The following CSMD1 variants were observed in gnomAD, a reference collection of about 807,000 sequenced individuals.
CSMD1 encodes CUB and Sushi multiple domains 1.
A neutral mutation model predicts 417.5 loss-of-function variants in CSMD1; 213 were observed. That is an observed-to-expected ratio of 0.51 (90% confidence interval 0.46 to 0.57). CSMD1 has a LOEUF of 0.57. Ranked by LOEUF, CSMD1 falls within the 20% of genes least tolerant of loss-of-function variation. The probability of loss-of-function intolerance (pLI) is 0.00; values close to 1 mark genes in which losing one functional copy is unlikely to be tolerated. For missense variants in CSMD1, 6,923 were observed against 4,529.7 expected (o/e 1.53, Z -15.17); for synonymous variants, 2,862 against 1,736.8 (o/e 1.65, Z -16.11).
chr8:3,095,400 CAGACT>C (rs1278734913), intron 47 of CSMD1, among the ~76,000 whole-genome samples: 21 of 152,226 alleles, frequency 1.4e-4, no homozygotes, highest in African/African-American at 4.8e-4. Context: ...CTCTACTCTA[CAGACT>C]AAAGAAAAAG....
rs184706763 is a variant in CSMD1, at chr8:4,934,962, A to T, written c.85+59370T>A. Among the ~76,000 whole-genome samples the T allele has an allele frequency of 6.0e-4, 92 of 152,154 alleles. 1 individual carries two copies. ...TCTATTTAAATCCATCTACCTGCCT[A>T]TATCTATCATCTATCAATCATCTGT... On this transcript the variant is annotated intron_variant, in intron 1 of 69. Transcript: ENST00000635120.
chr8:3,236,595 C>G (rs1227038638), intron 26 of CSMD1, among the ~76,000 whole-genome samples: 1 of 152,124 alleles, frequency 6.6e-6, no homozygotes, highest in Non-Finnish European at 1.5e-5. Flanking sequence ...AAACCCCCAC[C>G]CAGGGGCACT....
rs1048378614 is a variant in CSMD1, at chr8:4,220,075, G to A, written c.416-187976C>T. Among the ~76,000 whole-genome samples, 5 of 151,958 alleles carry A rather than the reference G, an allele frequency of 3.3e-5. No individual in the cohort carries two copies. In the East Asian group the frequency reaches 5.8e-4, roughly 18 times the overall value. ...AGCAATTCTCGTGCCTCAGCCTCCC[G>A]AGTACCTGTGATTACAGGCACGTGC... On this transcript the variant is annotated intron_variant, in intron 3 of 69. Coordinates refer to ENST00000635120, the MANE Select transcript of CSMD1 (RefSeq NM_033225.6).
intron 2 of CSMD1, among the ~76,000 whole-genome samples, chr8:4,432,638 A>C (rs1285450747): frequency 6.6e-6 from 1 of 152,156 alleles, no homozygotes; most frequent in Non-Finnish European, 1.5e-5. Flanking sequence ...TTAATAACTG[A>C]CTTAAGACCA....
At chr8:3,125,313 G>A (rs979207738) in intron 41 of CSMD1, among the ~76,000 whole-genome samples, 1 of 152,200 alleles carries the variant, frequency 6.6e-6, no homozygotes, top group African/African-American at 2.4e-5. Context: ...ACAGTGCCAG[G>A]CCACACAGGT....
intron 3 of CSMD1, among the ~76,000 whole-genome samples, chr8:4,176,882 A>C (rs575941892): frequency 8.7e-4 from 130 of 148,960 alleles, no homozygotes; most frequent in East Asian, 2.7e-3. Flanking sequence ...AGAGCTAACT[A>C]TCCTAAATAT....
intron 3 of CSMD1, among the ~76,000 whole-genome samples, chr8:4,273,622 C>G (rs1486746872): frequency 1.3e-5 from 2 of 152,038 alleles, no homozygotes; most frequent in South Asian, 2.1e-4. Context: ...ATGAGGTTTT[C>G]TGTATTTTAT....
intron 5 of CSMD1, among the ~76,000 whole-genome samples, chr8:3,996,949 C>T (rs1171360728): frequency 6.6e-6 from 1 of 152,154 alleles, no homozygotes; most frequent in Admixed American, 6.5e-5. Flanking sequence ...TGGTAGCCTT[C>T]ATACTAAAAT....
At chr8:4,586,184 G>C (rs1412727263) in intron 2 of CSMD1, among the ~76,000 whole-genome samples, 2 of 152,044 alleles carry the variant, frequency 1.3e-5, no homozygotes, top group Non-Finnish European at 2.9e-5. Context: ...CACTCTTTTG[G>C]TTATTTTTAA....
At chr8:4,459,496 C>A (rs1031277832) in intron 2 of CSMD1, among the ~76,000 whole-genome samples, 14 of 152,132 alleles carry the variant, frequency 9.2e-5, no homozygotes, top group African/African-American at 3.4e-4. Context: ...CAAGGTTGCT[C>A]TCAAAAATAA....
chr8:4,095,065 A>C (rs1041234332), intron 3 of CSMD1, among the ~76,000 whole-genome samples: 2 of 152,214 alleles, frequency 1.3e-5, no homozygotes, highest in African/African-American at 4.8e-5. Flanking sequence ...CTTTGGGCTA[A>C]CAAGAGCTTG....
intron 1 of CSMD1, among the ~76,000 whole-genome samples, chr8:4,938,683 G>A (rs963837151): frequency 6.6e-6 from 1 of 152,150 alleles, no homozygotes; most frequent in Admixed American, 6.5e-5. Flanking sequence ...TCATGATAAT[G>A]GGGTGGAAAG....
intron 28 of CSMD1, among the ~76,000 whole-genome samples, chr8:3,222,151 T>C (rs1490057197): frequency 6.6e-6 from 1 of 152,092 alleles, no homozygotes; most frequent in Admixed American, 6.5e-5. Flanking sequence ...AGTCATAATC[T>C]ATGGGTTGGG....
chr8:3,170,333 G>A (rs1014621504), intron 37 of CSMD1, among the ~76,000 whole-genome samples: 25 of 152,140 alleles, frequency 1.6e-4, no homozygotes, highest in African/African-American at 4.1e-4. Flanking sequence ...TCAGCCTCCC[G>A]AGTAGCTGGG....
At chr8:4,789,255 A>C (rs1434201087) in intron 1 of CSMD1, among the ~76,000 whole-genome samples, 1 of 152,234 alleles carries the variant, frequency 6.6e-6, no homozygotes, top group Non-Finnish European at 1.5e-5. Context: ...CTCATCTATG[A>C]AGATGATCTG....
intron 3 of CSMD1, among the ~76,000 whole-genome samples, chr8:4,141,916 G>A (rs923728102): frequency 3.3e-5 from 5 of 150,992 alleles, no homozygotes; most frequent in Admixed American, 1.3e-4. Context: ...TTCTTAGAGT[G>A]TGATATTTGC....
At chr8:3,308,801 G>C (rs753747319) in intron 23 of CSMD1, among the ~76,000 whole-genome samples, 4 of 132,078 alleles carry the variant, frequency 3.0e-5, no homozygotes, top group African/African-American at 1.1e-4. Context: ...TTGCCTCACT[G>C]CAACCTCCAC....
chr8:4,713,426 G>A (rs1220719835), intron 1 of CSMD1, among the ~76,000 whole-genome samples: 1 of 146,550 alleles, frequency 6.8e-6, no homozygotes, highest in Non-Finnish European at 1.5e-5. Context: ...TTTTGAGACA[G>A]ACTCTCCCTC....
chr8:3,977,933 T>C (rs1016476965), intron 5 of CSMD1, among the ~76,000 whole-genome samples: 2 of 152,188 alleles, frequency 1.3e-5, no homozygotes, highest in Admixed American at 1.3e-4. Flanking sequence ...CATCGTGCCA[T>C]GGAGAGGTCA....
Sources: gnomAD v4.1 joint callset for allele counts (sites outside exome capture counted in the v4.1 genomes callset) on GRCh38, gnomAD v4.1.1 for gene constraint, MANE v1.5 for transcripts, NCBI Gene and HGNC (gene_info 2026-07-23, HGNC 2026-07-21) for gene names.